The following AFG3L2 variants were observed in gnomAD, a reference collection of about 807,000 sequenced individuals.
AFG3L2 encodes the protein AFG3 like matrix AAA peptidase subunit 2.
Under a neutral mutation model 94.5 loss-of-function variants are expected in AFG3L2, and 54 were observed. The ratio of observed to expected loss-of-function variants is 0.57; its 90% CI spans 0.46 to 0.72. The LOEUF (loss-of-function observed/expected upper bound fraction) is 0.72, where lower values mean the gene tolerates loss of function less well. Among genes scored for constraint, AFG3L2 ranks in the 30% least tolerant of loss-of-function variants. The probability of loss-of-function intolerance (pLI) is 0.00; values close to 1 mark genes in which losing one functional copy is unlikely to be tolerated. For synonymous variants in AFG3L2, 377 were observed against 365.5 expected, an observed-to-expected ratio of 1.03 and a Z score of -0.36; for missense variants, 754 against 994.9, an observed-to-expected ratio of 0.76 and a Z score of 3.26.
chr18:12,363,624 T>C (rs1908723494), intron 6 of AFG3L2, among the ~76,000 whole-genome samples, 158 bp downstream of exon 6: 1 of 152,150 alleles, frequency 6.6e-6, no homozygotes, highest in Admixed American at 6.5e-5. Context: ...AACATTCCCA[T>C]TTCCACTGAT....
rs185454855 is a variant in AFG3L2, at chr18:12,353,096, G to C, written c.1227C>G (p.Ile409Met). ...TTCCTCTCTTCCTTCCCACCGCATC[G>C]ATTTCATCGATGAAGAGGATGCAAG... ...NAPCILFIDE[I>M]DAVGRKRGRG... The change falls in exon 10 of 17, where the codon ATC becomes ATG. Residue 409 changes from isoleucine (I) to methionine (M), a missense_variant. Ile to Met is a conservative substitution (Grantham distance 10, BLOSUM62 1). Transcript: ENST00000269143. 6.2e-7 allele frequency: 1 copy of C among 1,613,996 alleles called. No individual in the cohort carries two copies. The highest frequency in any genetic ancestry group is 1.7e-5 in the Admixed American group (1 of 60,006).
intron 5 of AFG3L2, 145 bp from the exon 6 acceptor site, chr18:12,364,001 A>G (rs1908736614): frequency 5.7e-6 from 4 of 704,534 alleles, no homozygotes; most frequent in Non-Finnish European, 1.0e-5. Flanking sequence ...GTTCCCCCCT[A>G]TAATTCTGCA....
At position 12,367,456 on chromosome 18, in the gene AFG3L2, G is replaced by A. The variant is rs753729791; in HGVS notation, c.293-74C>T. On this transcript the variant is annotated intron_variant, in intron 3 of 16. Coordinates refer to ENST00000269143, the MANE Select transcript of AFG3L2 (RefSeq NM_006796.3). ...CTCTCAGCAATGTCTTCATGTATACGGTTTAATAAAAGACTCATTGCAGAA... is the reference window on the plus strand; with the variant it reads ...CTCTCAGCAATGTCTTCATGTATACAGTTTAATAAAAGACTCATTGCAGAA... 6.8e-5 allele frequency: 94 copies of A among 1,385,540 alleles called. No homozygotes were observed. In the Middle Eastern group the frequency reaches 7.0e-4, roughly 10 times the overall value. 85.8% of individuals were successfully genotyped at this position (1,385,540 alleles called of 1,614,324 possible). A position where few individuals can be genotyped will look rare whatever the true frequency, so the allele number is the denominator to read the frequency against.
chr18:12,367,361 G>C lies in AFG3L2; in HGVS notation c.314C>G (p.Thr105Arg), dbSNP rs1369878631. The change falls in exon 4 of 17, where the codon ACA becomes AGA. Residue 105 changes from threonine (T) to arginine (R), a missense_variant. Thr to Arg is a moderately conservative substitution (Grantham distance 71). Transcript: ENST00000269143. ...ACCACCTCCTCCTCCAGAAGAGCGTGTGGTAGCAGCTGGCTTTGATTCTGT... is the reference window on the plus strand; with the variant it reads ...ACCACCTCCTCCTCCAGAAGAGCGTCTGGTAGCAGCTGGCTTTGATTCTGT... ...EKKESKPAAT[T>R]RSSGGGGGGG... The C allele has an allele frequency of 6.2e-7, 1 of 1,614,126 alleles. No individual in the cohort carries two copies. Among genetic ancestry groups the C allele is most frequent in the South Asian group, 1.1e-5 (1 of 91,084 alleles).
rs1907985882 is a variant in AFG3L2, at chr18:12,342,523, CAAAG to C, written c.1779+1605_1779+1608del. The C allele has an allele frequency of 4.6e-5, 7 of 152,148 alleles. No individual in the cohort carries two copies. In the South Asian group the frequency reaches 1.2e-3, roughly 27 times the overall value. 9.4% of individuals were successfully genotyped at this position (152,148 alleles called of 1,614,324 possible). On this transcript the variant is annotated intron_variant, in intron 14 of 16. Coordinates refer to ENST00000269143, the MANE Select transcript of AFG3L2 (RefSeq NM_006796.3). ...CCTTTTTATTTTCTTAACTGTCTTT[CAAAG>C]AAAGAGAGTTTGAAATTTTGATGAG...
In AFG3L2 at chr18:12,367,332, C is replaced by G. The variant is rs369885409; in HGVS notation, c.343G>C (p.Gly115Arg). 2 of 1,614,044 alleles carry G rather than the reference C, an allele frequency of 1.2e-6. No homozygotes were observed. The highest frequency in any genetic ancestry group is 1.7e-6 in the Non-Finnish European group (2 of 1,180,046). Reference sequence around the variant, plus strand: ...TCTTTCTTGCCACCTCGTTTTCCACCGCCACCACCTCCTCCTCCAGAAGAG... The same window carrying G: ...TCTTTCTTGCCACCTCGTTTTCCACGGCCACCACCTCCTCCTCCAGAAGAG... ...TRSSGGGGGG[G>R]GKRGGKKDDS... Residue 115 changes from glycine (G) to arginine (R), a missense_variant, in exon 4 of 17, where the codon GGT becomes CGT. Coordinates refer to ENST00000269143, the MANE Select transcript of AFG3L2 (RefSeq NM_006796.3).
Position 12,361,646 on chromosome 18 carries a change from C to CA in AFG3L2, c.628-1596dup, listed in dbSNP as rs202179261. Among the ~76,000 whole-genome samples the CA allele has an allele frequency of 6.0e-3, 908 of 152,234 alleles. 8 individuals are homozygous for CA. Among genetic ancestry groups the CA allele is most frequent in the Middle Eastern group, 0.014 (4 of 294 alleles). ...TGGGCGACAAAGTCAGACTCAGTCTCAAAAAACAAACAAAAAAACAAAACC... is the reference window on the plus strand; with the variant it reads ...TGGGCGACAAAGTCAGACTCAGTCTCAAAAAAACAAACAAAAAAACAAAACC... On this transcript the variant is annotated intron_variant, in intron 6 of 16. Transcript: ENST00000269143.
At chr18:12,336,059 G>C (rs1238663462) in intron 16 of AFG3L2, among the ~76,000 whole-genome samples, 1 of 152,172 alleles carries the variant, frequency 6.6e-6, no homozygotes, top group Admixed American at 6.5e-5. Flanking sequence ...CTTGTTCCCG[G>C]GTGTGGGCCA....
At chr18:12,371,835 G>A in intron 1 of AFG3L2, 144 bp from the exon 2 acceptor site, 2 of 697,094 alleles carry the variant, frequency 2.9e-6, no homozygotes, top group South Asian at 1.6e-5. Context: ...CCCTTAGTGA[G>A]GACTAGGATT....
chr18:12,369,670 C>A (rs1456105639), intron 3 of AFG3L2, among the ~76,000 whole-genome samples: 1 of 147,842 alleles, frequency 6.8e-6, no homozygotes, highest in Non-Finnish European at 1.5e-5. Context: ...GCAGTGAGAT[C>A]GTGCCACTGC....
Position 12,371,653 on chromosome 18 carries a change from T to G in AFG3L2, c.153A>C (p.Arg51Ser), listed in dbSNP as rs748149058. ...CAATTATATCTGTCAAAAGAGAATT[T>G]CTGCTGGCCCTTGCTTGAGTTGTAA... ...RFVTTQARASRNSLLTDIIAA... is the reference protein window; with the variant it reads ...RFVTTQARASSNSLLTDIIAA... The change falls in exon 2 of 17, where the codon AGA (arginine) becomes AGC (serine). Residue 51 changes from arginine to serine, a missense_variant. By Grantham distance (110) the Arg-to-Ser change is moderately radical (BLOSUM62 -1). Around this residue, in one of 4 missense-constraint regions of AFG3L2, gnomAD observed 236 missense variants for 214.0 expected, o/e 1.10. Transcript: ENST00000269143. 17 of 1,614,002 alleles carry G rather than the reference T, an allele frequency of 1.1e-5. No individual in the cohort carries two copies. The highest frequency in any genetic ancestry group is 1.4e-5 in the Non-Finnish European group (17 of 1,180,026).
At chr18:12,376,191 C>G (rs886844589) in intron 1 of AFG3L2, among the ~76,000 whole-genome samples, 33 of 152,204 alleles carry the variant, frequency 2.2e-4, no homozygotes, top group African/African-American at 7.5e-4. Flanking sequence ...GGAGGCCAAG[C>G]CAGGTTCCCG....
intron 16 of AFG3L2, among the ~76,000 whole-genome samples, chr18:12,331,591 C>T (rs146678158): frequency 3.9e-5 from 6 of 152,036 alleles, no homozygotes; most frequent in African/African-American, 9.7e-5. Context: ...GTCAGGAGTT[C>T]GAGACCAGCC....
chr18:12,354,209 T>C (rs1908420840), intron 9 of AFG3L2, among the ~76,000 whole-genome samples: 1 of 143,874 alleles, frequency 7.0e-6, no homozygotes, highest in Non-Finnish European at 1.5e-5. Context: ...CCTACACTGC[T>C]CTGAACACAT....
At chr18:12,354,791 C>T (rs1301801525) in intron 9 of AFG3L2, among the ~76,000 whole-genome samples, 1 of 150,708 alleles carries the variant, frequency 6.6e-6, no homozygotes, top group Admixed American at 6.6e-5. Context: ...CCCCCCACAG[C>T]TCCTCTCCTG....
intron 1 of AFG3L2, among the ~76,000 whole-genome samples, chr18:12,376,202 T>A (rs116481135): frequency 6.6e-6 from 1 of 152,170 alleles, no homozygotes. Flanking sequence ...CAGGTTCCCG[T>A]GGCCGACCCG....
intron 16 of AFG3L2, 179 bp downstream of exon 16, chr18:12,337,159 TCAC>T: frequency 3.0e-6 from 2 of 659,920 alleles, no homozygotes; most frequent in Non-Finnish European, 5.5e-6. Flanking sequence ...CAACTTCTGC[TCAC>T]CACATTGCAA....
At chr18:12,340,753 G>A (rs1392877936) in intron 14 of AFG3L2, among the ~76,000 whole-genome samples, 1 of 151,956 alleles carries the variant, frequency 6.6e-6, no homozygotes, top group Non-Finnish European at 1.5e-5. Flanking sequence ...CCACCACCAG[G>A]CCTGGCTAAT....
At chr18:12,371,955 A>T (rs144465220) in intron 1 of AFG3L2, among the ~76,000 whole-genome samples, 248 of 152,382 alleles carry the variant, frequency 1.6e-3, no homozygotes, top group African/African-American at 5.0e-3. Context: ...CAATCCAATT[A>T]TAATTATGTG....
Sources: allele counts gnomAD v4.1 joint callset (sites outside exome capture counted in the v4.1 genomes callset), GRCh38; gene constraint gnomAD v4.1.1; regional missense constraint gnomAD v4.1.1; transcripts MANE v1.5; gene names NCBI Gene and HGNC (gene_info 2026-07-23, HGNC 2026-07-21).